Variants in RAD18 observed in about 807,000 individuals in gnomAD.
RAD18 encodes the protein E3 ubiquitin-protein ligase RAD18.
In RAD18, 47 loss-of-function variants were observed where a neutral mutation model predicts 60.4. That is an observed-to-expected ratio of 0.78 (90% CI 0.62 to 0.99). The LOEUF (loss-of-function observed/expected upper bound fraction) is 0.99. Ranked by LOEUF, RAD18 falls within the 50% of genes least tolerant of loss-of-function variation. The pLI is 0.00. For synonymous variants in RAD18, 225 were observed against 195.5 expected, an observed-to-expected ratio of 1.15 and a Z score of -1.26; for missense variants, 640 against 593.3, an observed-to-expected ratio of 1.08 and a Z score of -0.82.
At chr3:8,957,647 G>A (rs1941035031) in intron 2 of RAD18, among the ~76,000 whole-genome samples, 1 of 152,178 alleles carries the variant, frequency 6.6e-6, no homozygotes, top group African/African-American at 2.4e-5. Flanking sequence ...TAAAGCAACA[G>A]TAAACTTAGG....
At chr3:8,915,847 T>C (rs1940190907) in intron 7 of RAD18, among the ~76,000 whole-genome samples, 1 of 152,076 alleles carries the variant, frequency 6.6e-6, no homozygotes, top group Non-Finnish European at 1.5e-5. Flanking sequence ...CCTCCCAAAG[T>C]GCTGGGATTA....
chr3:8,937,555 T>C (rs1018093970), intron 6 of RAD18, among the ~76,000 whole-genome samples: 3 of 150,432 alleles, frequency 2.0e-5, no homozygotes, highest in African/African-American at 5.0e-5. Flanking sequence ...CCTGTCAGAA[T>C]ATTGTGGAGG....
chr3:8,902,597 A>G, intron 9 of RAD18, 77 bp from the exon 10 acceptor site: 1 of 1,420,074 alleles, frequency 7.0e-7, no homozygotes, highest in Non-Finnish European at 9.5e-7. Context: ...CTGAATATCA[A>G]GAGGTGTACA....
chr3:8,881,266 C>T lies in RAD18; in HGVS notation c.*91G>A. The stretch of plus-strand genomic sequence containing the variant: ...GTAATATTTAGAATTTAGCATCTTT[C>T]CTTGGGCATTTATAAATAGAAAATC... On this transcript the variant is annotated 3_prime_UTR_variant, in exon 13 of 13. Transcript: ENST00000264926. 7.8e-6 allele frequency: 8 copies of T among 1,026,024 alleles called. No individual in the cohort carries two copies. Among genetic ancestry groups the T allele is most frequent in the Admixed American group, 2.3e-5 (1 of 44,436 alleles). The allele number at this position is 1,026,024 out of a possible 1,614,324, so 63.6% of individuals were successfully genotyped here.
At chr3:8,929,966 C>T (rs526605) in intron 7 of RAD18, among the ~76,000 whole-genome samples, 103,880 of 152,112 alleles carry the variant, frequency 0.68, 36,082 homozygotes, top group Middle Eastern at 0.77. Context: ...CTCTTATACA[C>T]TGCTAGTAGG....
chr3:8,901,204 T>C (rs541870915), intron 10 of RAD18, among the ~76,000 whole-genome samples: 22 of 152,256 alleles, frequency 1.4e-4, no homozygotes, highest in African/African-American at 5.3e-4. Flanking sequence ...GTGAAGAAAT[T>C]GGAACCCTCA....
intron 9 of RAD18, among the ~76,000 whole-genome samples, chr3:8,904,265 A>G (rs59750911): frequency 0.14 from 21,227 of 152,194 alleles, 1,812 homozygotes; most frequent in East Asian, 0.23. Flanking sequence ...TTCATTTTAC[A>G]TCCATATGAG....
intron 9 of RAD18, among the ~76,000 whole-genome samples, chr3:8,907,971 G>C (rs773321832): frequency 2.6e-5 from 4 of 152,148 alleles, no homozygotes; most frequent in Non-Finnish European, 5.9e-5. Flanking sequence ...TGAGTGAAAG[G>C]ATCTACTCCA....
At position 8,902,432 on chromosome 3, in the gene RAD18, T is replaced by A; in HGVS notation, c.1116A>T (p.Val372=). ...KKIAGMSQKT[V]TITKEDESTE... ...TAGATTCATCTTCTTTTGTTATTGTTACTGTTTTTTGTGACATTCCAGCAA... is the reference window on the plus strand; with the variant it reads ...TAGATTCATCTTCTTTTGTTATTGTAACTGTTTTTTGTGACATTCCAGCAA... The change falls in exon 10 of 13, where the codon GTA becomes GTT. Residue 372 remains valine, a synonymous_variant. Coordinates refer to ENST00000264926, the MANE Select transcript of RAD18 (RefSeq NM_020165.4). 2 of 1,610,628 alleles carry A rather than the reference T, an allele frequency of 1.2e-6. No homozygotes were observed. The highest frequency in any genetic ancestry group is 1.7e-6 in the Non-Finnish European group (2 of 1,177,690).
intron 7 of RAD18, among the ~76,000 whole-genome samples, chr3:8,934,076 TGG>T (rs199717828): frequency 0.023 from 3,517 of 152,296 alleles, 129 homozygotes; most frequent in African/African-American, 0.079. Flanking sequence ...CTGCATCAAT[TGG>T]TTATTCATAT....
At chr3:8,947,125 C>T (rs689296) in intron 4 of RAD18, 95 bp downstream of exon 4, 585,376 of 904,898 alleles carry the variant, frequency 0.65, 198,409 homozygotes, top group Middle Eastern at 0.75. Flanking sequence ...AAATATGCAA[C>T]CCTGCATTCC....
In RAD18 at chr3:8,912,338, T is replaced by C. The variant is rs781681255; in HGVS notation, c.1001A>G (p.Glu334Gly). 1.9e-6 allele frequency: 3 copies of C among 1,567,196 alleles called. No individual in the cohort carries two copies. Among genetic ancestry groups the C allele is most frequent in the Non-Finnish European group, 2.6e-6 (3 of 1,159,084 alleles). ...MVFTKDQTEKEIDEIHSKYRK... is the reference protein window; with the variant it reads ...MVFTKDQTEKGIDEIHSKYRK... ...ATATTTACTGTGGATTTCATCTATT[T>C]CCTTTTCTGTTTGGTCCTTTGTAAA... The change falls in exon 9 of 13, where the codon GAA (glutamate) becomes GGA (glycine). Residue 334 changes from glutamate (E) to glycine (G), a missense_variant. Transcript: ENST00000264926.
chr3:8,925,821 T>C (rs1053197261), intron 7 of RAD18, among the ~76,000 whole-genome samples: 1 of 152,170 alleles, frequency 6.6e-6, no homozygotes, highest in Non-Finnish European at 1.5e-5. Context: ...CACATGATTA[T>C]CTCAATAGAT....
intron 7 of RAD18, among the ~76,000 whole-genome samples, chr3:8,914,920 C>T (rs1313588866): frequency 1.3e-5 from 2 of 152,026 alleles, no homozygotes; most frequent in South Asian, 2.1e-4. Context: ...GGGTGGATCA[C>T]GAGGTCAGGA....
At chr3:8,910,330 G>A (rs1023286862) in intron 9 of RAD18, among the ~76,000 whole-genome samples, 10 of 152,234 alleles carry the variant, frequency 6.6e-5, no homozygotes, top group Non-Finnish European at 1.2e-4. Flanking sequence ...GCCAGGTGCA[G>A]TGGCTCACGC....
At chr3:8,895,050 C>T (rs1446793596) in intron 11 of RAD18, among the ~76,000 whole-genome samples, 3 of 151,814 alleles carry the variant, frequency 2.0e-5, no homozygotes, top group African/African-American at 7.3e-5. Flanking sequence ...CCACTGTGTC[C>T]GGCCGAAGCT....
At chr3:8,882,067 C>G (rs1306741231) in intron 12 of RAD18, among the ~76,000 whole-genome samples, 1 of 152,172 alleles carries the variant, frequency 6.6e-6, no homozygotes, top group Non-Finnish European at 1.5e-5. Context: ...GTCAGGTGCT[C>G]ACAAGAAAGA....
intron 7 of RAD18, 58 bp from the exon 8 acceptor site, chr3:8,913,778 C>T: frequency 2.7e-6 from 3 of 1,108,276 alleles, no homozygotes; most frequent in Non-Finnish European, 3.8e-6. Context: ...AATCACTGTA[C>T]AATAATTATT....
chr3:8,895,882 T>C (rs768111129), intron 11 of RAD18, among the ~76,000 whole-genome samples: 1 of 152,246 alleles, frequency 6.6e-6, no homozygotes, highest in Non-Finnish European at 1.5e-5. Context: ...ATGCTATACA[T>C]GCTGTTCCGA....
Sources: gnomAD v4.1 joint callset for allele counts (sites outside exome capture counted in the v4.1 genomes callset) on GRCh38, gnomAD v4.1.1 for gene constraint, MANE v1.5 for transcripts, NCBI Gene and HGNC (gene_info 2026-07-23, HGNC 2026-07-21) for gene names.